RHO: variants seen among roughly 807,000 people sequenced by gnomAD.
RHO encodes the protein rhodopsin, also known as opsin 2, rod pigment.
In RHO, 21 loss-of-function variants were observed where a neutral mutation model predicts 31.2. That is an observed-to-expected ratio of 0.67 (90% CI 0.48 to 0.97). The LOEUF (loss-of-function observed/expected upper bound fraction) is 0.97, where lower values mean the gene tolerates loss of function less well. RHO is among the 50% of genes least tolerant of loss of function. The probability of loss-of-function intolerance (pLI) is 0.00; values close to 1 mark genes in which losing one functional copy is unlikely to be tolerated. For missense variants in RHO, 414 were observed against 479.5 expected (o/e 0.86, Z 1.28); for synonymous variants, 211 against 196.6 (o/e 1.07, Z -0.61).
At chr3:129,530,809 T>C (rs1284647593) in intron 1 of RHO, 67 bp from the exon 2 acceptor site, 1 of 1,598,308 alleles carries the variant, frequency 6.3e-7, no homozygotes, top group Admixed American at 1.7e-5. Context: ...CCTCTCCCTG[T>C]CTAGGGGGGA....
At chr3:129,530,828 TC>T (rs1342079756) in intron 1 of RHO, 47 bp from the exon 2 acceptor site, 1 of 1,610,752 alleles carries the variant, frequency 6.2e-7, no homozygotes, top group Non-Finnish European at 8.5e-7. Flanking sequence ...GAGTGCACCC[TC>T]CTTAGGCAGT....
intron 1 of RHO, 138 bp from the exon 2 acceptor site, chr3:129,530,738 T>G: frequency 2.0e-6 from 2 of 1,024,944 alleles, no homozygotes; most frequent in Non-Finnish European, 3.0e-6. Flanking sequence ...AGCACCAAGC[T>G]CTCTCCTTCC....
chr3:129,531,538 C>G (rs915408640), intron 2 of RHO, among the ~76,000 whole-genome samples: 20 of 152,148 alleles, frequency 1.3e-4, no homozygotes, highest in Non-Finnish European at 2.2e-4. Context: ...GACTCTGGTC[C>G]CCAGAGGCCT....
At chr3:129,530,835 G>T in intron 1 of RHO, 41 bp from the exon 2 acceptor site, 1 of 1,612,544 alleles carries the variant, frequency 6.2e-7, no homozygotes, top group Non-Finnish European at 8.5e-7. Flanking sequence ...CCCTCCTTAG[G>T]CAGTGGGGTC....
chr3:129,533,668 G>A lies in RHO; in HGVS notation c.997G>A (p.Ala333Thr), dbSNP rs1300633110. 2 of 1,614,050 alleles carry A rather than the reference G, an allele frequency of 1.2e-6. No homozygotes were observed. Among genetic ancestry groups the A allele is most frequent in the Admixed American group, 1.7e-5 (1 of 60,026 alleles). ...CAAGAACCCACTGGGTGACGATGAG[G>A]CCTCTGCTACCGTGTCCAAGACGGA... The part of the protein sequence containing the change: ...CGKNPLGDDE[A>T]SATVSKTETS... The change falls in exon 5 of 5, where the codon GCC becomes ACC. Residue 333 changes from alanine to threonine, a missense_variant. By Grantham distance (58) the Ala-to-Thr change is moderately conservative. Transcript: ENST00000296271.
At position 129,528,939 on chromosome 3, in the gene RHO, G is replaced by A. The variant is rs118173887; in HGVS notation, c.206G>A (p.Arg69His). 35 of 1,614,164 alleles carry A rather than the reference G, an allele frequency of 2.2e-5. No homozygotes were observed. Among genetic ancestry groups the A allele is most frequent in the East Asian group, 1.3e-4 (6 of 44,880 alleles). ...GTCACCGTCCAGCACAAGAAGCTGCGCACGCCTCTCAACTACATCCTGCTC... is the reference window on the plus strand; with the variant it reads ...GTCACCGTCCAGCACAAGAAGCTGCACACGCCTCTCAACTACATCCTGCTC... ...LYVTVQHKKL[R>H]TPLNYILLNL... Residue 69 changes from arginine to histidine, a missense_variant, in exon 1 of 5, where the codon CGC (arginine) becomes CAC (histidine). Transcript: ENST00000296271.
intron 1 of RHO, 149 bp from the exon 2 acceptor site, chr3:129,530,727 C>G (rs899831224): frequency 2.1e-6 from 2 of 934,358 alleles, no homozygotes; most frequent in South Asian, 2.7e-5. Flanking sequence ...CCCCTCCTCC[C>G]AGCACCAAGC....
intron 1 of RHO, among the ~76,000 whole-genome samples, chr3:129,530,569 A>ACAACACACACACACAC (rs2084772307): frequency 9.4e-6 from 1 of 106,100 alleles, no homozygotes; most frequent in East Asian, 6.8e-4. Context: ...CACACACACA[A>ACAACACACACACACAC]AACTCCCTAC....
At chr3:129,531,950 C>G (rs56120415) in intron 2 of RHO, among the ~76,000 whole-genome samples, 15 of 152,040 alleles carry the variant, frequency 9.9e-5, no homozygotes, top group African/African-American at 3.1e-4. Context: ...CCTCACCAAC[C>G]CTCTGCGTGG....
intron 1 of RHO, among the ~76,000 whole-genome samples, chr3:129,530,506 A>AACACAC (rs146327704): frequency 6.0e-5 from 8 of 132,256 alleles, no homozygotes; most frequent in African/African-American, 1.7e-4. Context: ...TCTTCTGCTA[A>AACACAC]ACACACACAC....
At chr3:129,533,492 C>T (rs895547273) in intron 4 of RHO, 116 bp from the exon 5 acceptor site, 26 of 817,882 alleles carry the variant, frequency 3.2e-5, no homozygotes, top group African/African-American at 1.0e-4. Flanking sequence ...GTGGATGGGG[C>T]GCTGGAATCG....
At position 129,532,098 on chromosome 3, in the gene RHO, T is replaced by A. The variant is rs181387582; in HGVS notation, c.531-153T>A. 1.9e-3 allele frequency among the ~76,000 whole-genome samples: 295 copies of A among 152,256 alleles called. No homozygotes were observed. The highest frequency in any genetic ancestry group is 6.7e-3 in the African/African-American group (280 of 41,546). On this transcript the variant is annotated intron_variant, in intron 2 of 4. Transcript: ENST00000296271. This position sits in a 1 kb window ranked among gnomAD's most constrained non-coding sequence, Gnocchi z 5.5. ...AAGGTGCATCTGCATCCCCATCTGA[T>A]CCATTCCATCCTGTCACCCAGCCAT...
At position 129,534,854 on chromosome 3, in the gene RHO, C is replaced by T. The variant is rs962375748; in HGVS notation, c.*1136C>T. The T allele has an allele frequency of 2.0e-5, 3 of 152,638 alleles. No homozygotes were observed. The highest frequency in any genetic ancestry group is 4.4e-5 in the Non-Finnish European group (3 of 68,044). The allele number at this position is 152,638 out of a possible 1,614,324, so 9.5% of individuals were successfully genotyped here. A position where few individuals can be genotyped will look rare whatever the true frequency, so the allele number is the denominator to read the frequency against. Reference sequence around the variant, plus strand: ...TTAACAGCTGAGTCCCTGATGTCATCCTTATCTCGAAGAGCTTAGAAACAA... The same window carrying T: ...TTAACAGCTGAGTCCCTGATGTCATTCTTATCTCGAAGAGCTTAGAAACAA... On this transcript the variant is annotated 3_prime_UTR_variant, in exon 5 of 5. Transcript: ENST00000296271.
rs929455758 is a variant in RHO at position 129,534,679 on chromosome 3, G to A, written c.*961G>A. 1.3e-5 allele frequency: 2 copies of A among 152,630 alleles called. No homozygotes were observed. The highest frequency in any genetic ancestry group is 2.9e-5 in the Non-Finnish European group (2 of 68,066). 9.5% of individuals were successfully genotyped at this position (152,630 alleles called of 1,614,324 possible). A position where few individuals can be genotyped will look rare whatever the true frequency, so the allele number is the denominator to read the frequency against. On this transcript the variant is annotated 3_prime_UTR_variant, in exon 5 of 5. Transcript: ENST00000296271. ...TCTCACCCCTAGTGTGGGGCCCCAG[G>A]TCCCGTGCCTCCCCTTCCCAATGTG...
At chr3:129,530,659 C>T (rs1199366735) in intron 1 of RHO, among the ~76,000 whole-genome samples, 1 of 152,164 alleles carries the variant, frequency 6.6e-6, no homozygotes, top group Non-Finnish European at 1.5e-5. Flanking sequence ...ATAACTTCCC[C>T]CATTCCCTGG....
chr3:129,533,707 GC>G lies in RHO; in HGVS notation c.1040del (p.Pro347ArgfsTer13), dbSNP rs2084801618. 3 of 1,613,314 alleles carry G rather than the reference GC, an allele frequency of 1.9e-6. No individual in the cohort carries two copies. Among genetic ancestry groups the G allele is most frequent in the Non-Finnish European group, 2.5e-6 (3 of 1,179,366 alleles). On this transcript the variant is annotated frameshift_variant, in exon 5 of 5. Coordinates refer to ENST00000296271, the MANE Select transcript of RHO (RefSeq NM_000539.3). LOFTEE classifies it high-confidence loss of function. ...GTCCAAGACGGAGACGAGCCAGGTG[GC>G]CCCGGCCTAAGACCTGCCTAGGACT... ...TVSKTETSQV[A>X]PA
intron 1 of RHO, 77 bp downstream of exon 1, chr3:129,529,171 T>G: frequency 1.3e-6 from 2 of 1,534,312 alleles, no homozygotes; most frequent in Non-Finnish European, 1.8e-6. Context: ...GGCTTGGCGG[T>G]GGTGGCTGAG....
At chr3:129,530,581 G>A (rs957767431) in intron 1 of RHO, among the ~76,000 whole-genome samples, 1 of 129,054 alleles carries the variant, frequency 7.7e-6, no homozygotes, top group African/African-American at 3.9e-5. Context: ...ACTCCCTACC[G>A]GGTTCCCAGT....
At chr3:129,533,486 A>G in intron 4 of RHO, 122 bp from the exon 5 acceptor site, 1 of 804,408 alleles carries the variant, frequency 1.2e-6, no homozygotes, top group Non-Finnish European at 2.2e-6. Context: ...ATTTGAGTGG[A>G]TGGGGCGCTG....
Sources: gnomAD v4.1 joint callset for allele counts (sites outside exome capture counted in the v4.1 genomes callset) on GRCh38, gnomAD v4.1.1 for gene constraint, Gnocchi (gnomAD v3.1) non-coding constraint, MANE v1.5 for transcripts, NCBI Gene and HGNC (gene_info 2026-07-23, HGNC 2026-07-21) for gene names.